The following SORCS3 variants were observed in gnomAD, a reference collection of about 807,000 sequenced individuals.
SORCS3 encodes sortilin related VPS10 domain containing receptor 3.
In SORCS3, 57 loss-of-function variants were observed where a neutral mutation model predicts 146.3. The observed-to-expected ratio is 0.39, with a 90% CI of 0.31 to 0.49. SORCS3 has a LOEUF of 0.49. Ranked by LOEUF, SORCS3 falls within the 20% of genes least tolerant of loss-of-function variation. The pLI is 0.92. For synonymous variants in SORCS3, 653 were observed against 618.5 expected (o/e 1.06, Z -0.83); for missense variants, 1,341 against 1,575.5 (o/e 0.85, Z 2.52).
intron 16 of SORCS3, among the ~76,000 whole-genome samples, chr10:105,209,323 A>T (rs1285214753): frequency 6.6e-6 from 1 of 151,948 alleles, no homozygotes; most frequent in Non-Finnish European, 1.5e-5. Flanking sequence ...GTGTATTTTT[A>T]GTAGAGACGG....
chr10:105,019,391 C>G (rs1485969751), intron 4 of SORCS3, among the ~76,000 whole-genome samples: 1 of 152,178 alleles, frequency 6.6e-6, no homozygotes. Flanking sequence ...CAGTCTAGAT[C>G]CCACCTAGCA....
At chr10:104,795,702 A>G (rs2017547014) in intron 1 of SORCS3, among the ~76,000 whole-genome samples, 1 of 152,226 alleles carries the variant, frequency 6.6e-6, no homozygotes, top group South Asian at 2.1e-4. Context: ...CTTGTTGATA[A>G]CCGCTAAGTT....
intron 3 of SORCS3, among the ~76,000 whole-genome samples, chr10:104,941,370 G>A (rs974724810): frequency 5.3e-5 from 8 of 152,126 alleles, no homozygotes; most frequent in African/African-American, 1.4e-4. Context: ...AAAAATTCTT[G>A]ATTTTATAAT....
intron 8 of SORCS3, among the ~76,000 whole-genome samples, chr10:105,142,498 A>C (rs1250054696): frequency 6.6e-6 from 1 of 152,124 alleles, no homozygotes; most frequent in Non-Finnish European, 1.5e-5. Flanking sequence ...CAAACTTAAA[A>C]CCAGCTTTTC....
At position 104,841,184 on chromosome 10, in the gene SORCS3, G is replaced by A. The variant is rs115812773; in HGVS notation, c.628-1608G>A. ...GTTAGTCTCTGGCTTTAATAAATGA[G>A]GAAACTAGTTATGAATGGGAGGGGC... On this transcript the variant is annotated intron_variant, in intron 1 of 26. Coordinates refer to ENST00000369701, the MANE Select transcript of SORCS3 (RefSeq NM_014978.3). 7.3e-3 allele frequency among the ~76,000 whole-genome samples: 1,118 copies of A among 152,266 alleles called. 12 individuals carry two copies. Among genetic ancestry groups the A allele is most frequent in the African/African-American group, 0.026 (1,070 of 41,540 alleles).
chr10:104,897,233 C>G (rs2018807300), intron 2 of SORCS3, among the ~76,000 whole-genome samples: 1 of 152,154 alleles, frequency 6.6e-6, no homozygotes, highest in Admixed American at 6.5e-5. Flanking sequence ...TGTTTTCACC[C>G]CGTCCTAGGG....
At chr10:104,869,433 A>G (rs905092282) in intron 2 of SORCS3, among the ~76,000 whole-genome samples, 1 of 152,146 alleles carries the variant, frequency 6.6e-6, no homozygotes, top group African/African-American at 2.4e-5. Flanking sequence ...GATGATGCTC[A>G]CTCACATTGA....
At chr10:105,209,313 G>C (rs929974082) in intron 16 of SORCS3, among the ~76,000 whole-genome samples, 9 of 151,802 alleles carry the variant, frequency 5.9e-5, no homozygotes, top group Non-Finnish European at 8.8e-5. Context: ...GTGAATTTTT[G>C]TGTATTTTTA....
intron 10 of SORCS3, among the ~76,000 whole-genome samples, chr10:105,158,565 C>T (rs1041098926): frequency 2.0e-5 from 3 of 151,886 alleles, no homozygotes; most frequent in African/African-American, 7.3e-5. Flanking sequence ...TAGTGTCATC[C>T]TGGTAGAAGG....
At chr10:105,010,940 G>A (rs1047302444) in intron 4 of SORCS3, among the ~76,000 whole-genome samples, 2 of 152,100 alleles carry the variant, frequency 1.3e-5, no homozygotes, top group East Asian at 1.9e-4. Flanking sequence ...CTGGTGAAGG[G>A]AGCTGGTGCA....
intron 3 of SORCS3, among the ~76,000 whole-genome samples, chr10:104,944,482 A>G (rs1048372242): frequency 2.2e-4 from 34 of 152,224 alleles, no homozygotes; most frequent in African/African-American, 8.0e-4. Context: ...ACTCATATCT[A>G]GACTACATAA....
intron 5 of SORCS3, among the ~76,000 whole-genome samples, chr10:105,071,679 G>A (rs2055557517): frequency 6.6e-6 from 1 of 152,166 alleles, no homozygotes; most frequent in African/African-American, 2.4e-5. Flanking sequence ...GTACAATCCA[G>A]TTATACTCCT....
intron 25 of SORCS3, among the ~76,000 whole-genome samples, chr10:105,259,985 T>C (rs1336657355): frequency 6.6e-6 from 1 of 152,186 alleles, no homozygotes; most frequent in Non-Finnish European, 1.5e-5. Context: ...AGTTCAGACT[T>C]ATATTCTCAA....
rs1371624531 is a variant in SORCS3 at position 105,152,195 on chromosome 10, A to T, written c.1482+4399A>T. Among the ~76,000 whole-genome samples the T allele has an allele frequency of 2.6e-5, 4 of 152,192 alleles. No individual in the cohort carries two copies. The South Asian group carries it at 8.3e-4, about 31-fold the overall frequency. On this transcript the variant is annotated intron_variant, in intron 9 of 26. Coordinates refer to ENST00000369701, the MANE Select transcript of SORCS3 (RefSeq NM_014978.3). ...CTCCTGGATATTTTGCATCTAACTT[A>T]TAACTCCTTACAATAATAACCACAG...
intron 22 of SORCS3, among the ~76,000 whole-genome samples, chr10:105,248,375 G>GT (rs2056879576): frequency 6.6e-6 from 1 of 152,212 alleles, no homozygotes; most frequent in Non-Finnish European, 1.5e-5. Flanking sequence ...TACTTGAACT[G>GT]TGTTTGCAAG....
At chr10:105,263,236 C>A in intron 26 of SORCS3, 74 bp from the exon 27 acceptor site, 1 of 1,439,132 alleles carries the variant, frequency 6.9e-7, no homozygotes, top group Non-Finnish European at 9.7e-7. Context: ...TGGTATTTAG[C>A]AGTGAATAAA....
chr10:104,657,527 C>G (rs2015646735), intron 1 of SORCS3, among the ~76,000 whole-genome samples: 1 of 152,098 alleles, frequency 6.6e-6, no homozygotes, highest in Non-Finnish European at 1.5e-5. Context: ...TTCGTGGTTG[C>G]CTGCCCCTTG....
chr10:104,832,412 C>T (rs2018010609), intron 1 of SORCS3, among the ~76,000 whole-genome samples: 1 of 152,144 alleles, frequency 6.6e-6, no homozygotes, highest in African/African-American at 2.4e-5. Flanking sequence ...TTCCTTTCAG[C>T]TTCCAGTTCA....
At position 104,759,018 on chromosome 10, in the gene SORCS3, G is replaced by T. The variant is rs568549388; in HGVS notation, c.628-83774G>T. 6.6e-5 allele frequency among the ~76,000 whole-genome samples: 10 copies of T among 152,322 alleles called. No individual in the cohort carries two copies. In the East Asian group the frequency reaches 1.9e-3, roughly 29 times the overall value. ...GAATGTGATCGTATTTGGGAATAGG[G>T]TTGTTGCAGATGGGATTAGTTAAGA... On this transcript the variant is annotated intron_variant, in intron 1 of 26. Coordinates refer to ENST00000369701, the MANE Select transcript of SORCS3 (RefSeq NM_014978.3).
Sources: allele counts gnomAD v4.1 joint callset (sites outside exome capture counted in the v4.1 genomes callset), GRCh38; gene constraint gnomAD v4.1.1; transcripts MANE v1.5; gene names NCBI Gene and HGNC (gene_info 2026-07-23, HGNC 2026-07-21).